Variants in WTIP observed in about 807,000 individuals in gnomAD.
WTIP encodes Wilms tumor protein 1-interacting protein.
Under a neutral mutation model 41.7 loss-of-function variants are expected in WTIP, and 23 were observed. The ratio of observed to expected loss-of-function variants is 0.55; its 90% confidence interval spans 0.40 to 0.78. The LOEUF is 0.78. WTIP is among the 30% of genes least tolerant of loss of function. The pLI, the probability that WTIP is intolerant of heterozygous loss-of-function variation, is 0.00. For synonymous variants in WTIP, 314 were observed against 269.9 expected (o/e 1.16, Z -1.60); for missense variants, 619 against 610.5 (o/e 1.01, Z -0.15).
chr19:34,493,737 G>A lies in WTIP; in HGVS notation c.1031+115G>A, dbSNP rs1234225315. On this transcript the variant is annotated intron_variant, in intron 5 of 7. Coordinates refer to ENST00000590071, the MANE Select transcript of WTIP (RefSeq NM_001080436.2). This position sits in a 1 kb window ranked among gnomAD's most constrained non-coding sequence, Gnocchi z 4.1. ...CTTTGTTCTTGGCCTTTTGCCTTCC[G>A]CCTCCCCTTGTACACCTGGGCTTGG... 10 of 1,432,716 alleles carry A rather than the reference G, an allele frequency of 7.0e-6. No individual in the cohort carries two copies. Among genetic ancestry groups the A allele is most frequent in the African/African-American group, 2.8e-5 (2 of 71,694 alleles). 88.8% of individuals were successfully genotyped at this position (1,432,716 alleles called of 1,614,324 possible).
chr19:34,491,599 G>A (rs2075825433), intron 2 of WTIP, among the ~76,000 whole-genome samples: 1 of 152,006 alleles, frequency 6.6e-6, no homozygotes, highest in South Asian at 2.1e-4. Flanking sequence ...TGGGATTATA[G>A]GTGTGAGTCA....
Position 34,500,743 on chromosome 19 carries a change from T to C in WTIP, c.*474T>C. The C allele has an allele frequency of 1.3e-5, 2 of 155,354 alleles. No individual in the cohort carries two copies. Among genetic ancestry groups the C allele is most frequent in the African/African-American group, 4.8e-5 (2 of 41,588 alleles). 9.6% of individuals were successfully genotyped at this position (155,354 alleles called of 1,614,324 possible). On this transcript the variant is annotated 3_prime_UTR_variant, in exon 8 of 8. Transcript: ENST00000590071. ...GGGACATGGGTGTTCCTGCATCTCC[T>C]AGCGCAGTTCCTGCTGGTGGGTGGA... is the stretch of plus-strand genomic sequence containing the variant.
rs1164839348 is a variant in WTIP, at chr19:34,482,381, C to T, written c.407C>T (p.Ser136Leu). The T allele has an allele frequency of 6.6e-6, 9 of 1,368,588 alleles. No homozygotes were observed. In the African/African-American group the frequency reaches 7.7e-5, roughly 12 times the overall value. The allele number at this position is 1,368,588 out of a possible 1,614,324, so 84.8% of individuals were successfully genotyped here. ...SDPRPGPGPP[S>L]VGSARSSVSS... ...CCGCGTCCCGGTCCCGGGCCGCCTTCGGTGGGCAGCGCCCGCTCCAGCGTT... is the reference window on the plus strand; with the variant it reads ...CCGCGTCCCGGTCCCGGGCCGCCTTTGGTGGGCAGCGCCCGCTCCAGCGTT... Residue 136 changes from serine (S) to leucine (L), a missense_variant, in exon 1 of 8, where the codon TCG becomes TTG. By Grantham distance (145) the Ser-to-Leu change is moderately radical. Around this residue, in one of 3 missense-constraint regions of WTIP, gnomAD observed 363 missense variants for 309.0 expected, o/e 1.17. Transcript: ENST00000590071.
In WTIP at chr19:34,506,795, A is replaced by G. The variant is rs1002771000; in HGVS notation, c.*6526A>G. The G allele has an allele frequency of 6.8e-6, 1 of 146,436 alleles. No individual in the cohort carries two copies. Among genetic ancestry groups the G allele is most frequent in the Non-Finnish European group, 1.5e-5 (1 of 67,252 alleles). The allele number at this position is 146,436 out of a possible 1,614,324, so 9.1% of individuals were successfully genotyped here. The stretch of plus-strand genomic sequence containing the variant: ...AAATAAATAAATAAATAAATAAATA[A>G]ATGAATATAAATAAAACTGGTTAAA... On this transcript the variant is annotated 3_prime_UTR_variant, in exon 8 of 8. Coordinates refer to ENST00000590071, the MANE Select transcript of WTIP (RefSeq NM_001080436.2).
chr19:34,498,859 C>T (rs2075869560), intron 7 of WTIP, among the ~76,000 whole-genome samples: 1 of 151,312 alleles, frequency 6.6e-6, no homozygotes, highest in East Asian at 2.0e-4. Flanking sequence ...GAGATCATGC[C>T]ACTGCACTCC....
intron 1 of WTIP, among the ~76,000 whole-genome samples, chr19:34,488,201 A>G (rs2075807580): frequency 6.6e-6 from 1 of 151,440 alleles, no homozygotes; most frequent in Admixed American, 6.6e-5. Flanking sequence ...TCAGCCTCCC[A>G]AGTAGCTGGA....
intron 1 of WTIP, 134 bp downstream of exon 1, chr19:34,482,775 G>A: frequency 8.3e-7 from 1 of 1,200,834 alleles, no homozygotes; most frequent in Non-Finnish European, 1.0e-6. Flanking sequence ...CACGGGGTTG[G>A]GACGAGGAAG....
chr19:34,484,952 A>T (rs2075790138), intron 1 of WTIP, among the ~76,000 whole-genome samples: 1 of 151,862 alleles, frequency 6.6e-6, no homozygotes, highest in African/African-American at 2.4e-5. Context: ...AAAAAAAAAA[A>T]AAAGCTGCTC....
intron 6 of WTIP, 27 bp from the exon 7 acceptor site, chr19:34,495,676 G>C (rs775898051): frequency 2.5e-6 from 4 of 1,612,778 alleles, no homozygotes; most frequent in Non-Finnish European, 3.4e-6. Flanking sequence ...CATGCTCATC[G>C]TGTGTGAACT....
In WTIP at chr19:34,482,395, C is replaced by G; in HGVS notation, c.421C>G (p.Arg141Gly). ...GPGPPSVGSA[R>G]SSVSSLGSRG... ...CGGGCCGCCTTCGGTGGGCAGCGCC[C>G]GCTCCAGCGTTTCCAGCCTCGGCTC... is the stretch of plus-strand genomic sequence containing the variant. Residue 141 changes from arginine to glycine, a missense_variant, in exon 1 of 8, where the codon CGC (arginine) becomes GGC (glycine). Arg to Gly is a moderately radical substitution (Grantham distance 125, BLOSUM62 -2). This residue lies in a region of WTIP where 363 missense variants were observed against 309.0 expected (regional missense o/e 1.17). Coordinates refer to ENST00000590071, the MANE Select transcript of WTIP (RefSeq NM_001080436.2). 2 of 1,365,894 alleles carry G rather than the reference C, an allele frequency of 1.5e-6. No individual in the cohort carries two copies. Among genetic ancestry groups the G allele is most frequent in the Non-Finnish European group, 1.9e-6 (2 of 1,057,162 alleles). The allele number at this position is 1,365,894 out of a possible 1,614,324, so 84.6% of individuals were successfully genotyped here.
In WTIP at chr19:34,509,367, G is replaced by T. The variant is rs555022905; in HGVS notation, c.*9098G>T. ...GTGGCGGCAAGAGAAAAATGACAGAGATGCAAAAGCAGAAACCCCCGATAA... is the reference window on the plus strand; with the variant it reads ...GTGGCGGCAAGAGAAAAATGACAGATATGCAAAAGCAGAAACCCCCGATAA... On this transcript the variant is annotated 3_prime_UTR_variant, in exon 8 of 8. Transcript: ENST00000590071. 4 of 152,230 alleles carry T rather than the reference G, an allele frequency of 2.6e-5. No homozygotes were observed. The highest frequency in any genetic ancestry group is 5.9e-5 in the Non-Finnish European group (4 of 68,054). 9.4% of individuals were successfully genotyped at this position (152,230 alleles called of 1,614,324 possible).
At chr19:34,499,536 C>T (rs550247742) in intron 7 of WTIP, among the ~76,000 whole-genome samples, 1 of 151,998 alleles carries the variant, frequency 6.6e-6, no homozygotes, top group Non-Finnish European at 1.5e-5. Flanking sequence ...AAACAAAAAA[C>T]ACCCAAACCA....
rs539983341 is a variant in WTIP at position 34,504,725 on chromosome 19, A to G, written c.*4456A>G. 2.0e-5 allele frequency: 3 copies of G among 152,524 alleles called. No individual in the cohort carries two copies. The highest frequency in any genetic ancestry group is 2.0e-4 in the Admixed American group (3 of 15,284). The allele number at this position is 152,524 out of a possible 1,614,324, so 9.4% of individuals were successfully genotyped here. On this transcript the variant is annotated 3_prime_UTR_variant, in exon 8 of 8. Transcript: ENST00000590071. ...GGTTGGGGTGAGTTGGGTAGGGTGC[A>G]GCTGTGCTCATCCCTCCCACCCAGC...
At chr19:34,498,334 C>T (rs1316159621) in intron 7 of WTIP, among the ~76,000 whole-genome samples, 1 of 152,200 alleles carries the variant, frequency 6.6e-6, no homozygotes, top group Non-Finnish European at 1.5e-5. Context: ...CACCCTGCTC[C>T]AGGGACCCCT....
In WTIP at chr19:34,509,879, A is replaced by C. The variant is rs1033048420; in HGVS notation, c.*9610A>C. On this transcript the variant is annotated 3_prime_UTR_variant, in exon 8 of 8. Transcript: ENST00000590071. ...GGGCAGTCAAATTTTGAAGCTCCAA[A>C]GTGATTTCCTTTGACTCCATGTCTC... The C allele has an allele frequency of 3.3e-5, 5 of 152,194 alleles. No homozygotes were observed. Among genetic ancestry groups the C allele is most frequent in the African/African-American group, 1.2e-4 (5 of 41,460 alleles). The allele number at this position is 152,194 out of a possible 1,614,324, so 9.4% of individuals were successfully genotyped here.
rs1416638774 is a variant in WTIP, at chr19:34,482,591, C to T, written c.617C>T (p.Thr206Ile). The T allele has an allele frequency of 2.4e-6, 3 of 1,230,336 alleles. No individual in the cohort carries two copies. The highest frequency in any genetic ancestry group is 3.0e-6 in the Non-Finnish European group (3 of 987,462). 76.2% of individuals were successfully genotyped at this position (1,230,336 alleles called of 1,614,324 possible). A position where few individuals can be genotyped will look rare whatever the true frequency, so the allele number is the denominator to read the frequency against. Residue 206 changes from threonine (T) to isoleucine (I), a missense_variant, in exon 1 of 8, where the codon ACC (threonine) becomes ATC (isoleucine). Coordinates refer to ENST00000590071, the MANE Select transcript of WTIP (RefSeq NM_001080436.2). ...SAAERRLEAL[T>I]RELERALEAR... ...GCCGAGCGGCGGCTGGAGGCGCTCA[C>T]CCGGGAGCTGGAGCGGGCGCTCGAG... is the stretch of plus-strand genomic sequence containing the variant.
At chr19:34,487,377 C>G (rs1348210103) in intron 1 of WTIP, among the ~76,000 whole-genome samples, 1 of 152,216 alleles carries the variant, frequency 6.6e-6, no homozygotes, top group African/African-American at 2.4e-5. Flanking sequence ...GTTGGGATTA[C>G]AGGCGTGAGC....
chr19:34,500,150 G>T lies in WTIP; in HGVS notation c.1174G>T (p.Gly392Trp), dbSNP rs772373353. Residue 392 changes from glycine (G) to tryptophan (W), a missense_variant, in exon 8 of 8, where the codon GGG (glycine) becomes TGG (tryptophan). Gly to Trp is a radical substitution (Grantham distance 184). Coordinates refer to ENST00000590071, the MANE Select transcript of WTIP (RefSeq NM_001080436.2). ...HCEDCGLQLS[G>W]EEGRRCYPLA... is the part of the protein sequence containing the mutation. ...CTAGGACTGCGGGCTGCAGCTGAGC[G>T]GGGAGGAGGGACGCCGTTGCTATCC... 3 of 1,600,748 alleles carry T rather than the reference G, an allele frequency of 1.9e-6. No homozygotes were observed. The highest frequency in any genetic ancestry group is 2.2e-5 in the South Asian group (2 of 91,026).
intron 2 of WTIP, among the ~76,000 whole-genome samples, chr19:34,492,785 A>G (rs897286053): frequency 6.6e-6 from 1 of 152,092 alleles, no homozygotes; most frequent in Non-Finnish European, 1.5e-5. Context: ...ATGTATTTAC[A>G]TGAGCAAAAT....
Sources: allele counts gnomAD v4.1 joint callset (sites outside exome capture counted in the v4.1 genomes callset), GRCh38; gene constraint gnomAD v4.1.1; regional missense constraint gnomAD v4.1.1; non-coding constraint Gnocchi (gnomAD v3.1); transcripts MANE v1.5; gene names NCBI Gene and HGNC (gene_info 2026-07-23, HGNC 2026-07-21).